BRIP1: variants seen among roughly 807,000 people sequenced by gnomAD.
BRIP1 encodes the protein BRCA1 interacting DNA helicase 1.
In BRIP1, 88 loss-of-function variants were observed where a neutral mutation model predicts 119.7. That is an observed-to-expected ratio of 0.74 (90% CI 0.62 to 0.88). BRIP1 has a LOEUF of 0.88. Ranked by LOEUF, BRIP1 falls within the 40% of genes least tolerant of loss-of-function variation. The pLI is 0.00. For synonymous variants in BRIP1, 443 were observed against 496.5 expected (o/e 0.89, Z 1.43); for missense variants, 1,259 against 1,455.4 (o/e 0.87, Z 2.20).
chr17:61,698,706 T>A (rs1193490466), intron 17 of BRIP1, among the ~76,000 whole-genome samples: 2 of 151,960 alleles, frequency 1.3e-5, no homozygotes, highest in African/African-American at 2.4e-5. Flanking sequence ...GTTATTTTTT[T>A]TTATTTTTTA....
rs569436326 is a variant in BRIP1 at position 61,729,503 on chromosome 17, T to G, written c.2380-13440A>C. ...TTAATAGTTCATGTCTAAAACTGATTAAATAAAGATAAAATATGGAGGTAA... is the reference window on the plus strand; with the variant it reads ...TTAATAGTTCATGTCTAAAACTGATGAAATAAAGATAAAATATGGAGGTAA... On this transcript the variant is annotated intron_variant, in intron 16 of 19. Coordinates refer to ENST00000259008, the MANE Select transcript of BRIP1 (RefSeq NM_032043.3). This position sits in a 1 kb window ranked among gnomAD's most constrained non-coding sequence, Gnocchi z 5.6. 2.6e-5 allele frequency among the ~76,000 whole-genome samples: 4 copies of G among 151,742 alleles called. No homozygotes were observed. The highest frequency in any genetic ancestry group is 2.6e-4 in the Admixed American group (4 of 15,250).
Position 61,736,541 on chromosome 17 carries a change from T to TACTACC in BRIP1, c.2379+6466_2379+6471dup, listed in dbSNP as rs2144619584. ...CCTCCTTATGAGTCATATCACTGTT[T>TACTACC]ACTACCATCCTGTTCATTATTATCT... On this transcript the variant is annotated intron_variant, in intron 16 of 19. Coordinates refer to ENST00000259008, the MANE Select transcript of BRIP1 (RefSeq NM_032043.3). This position sits in a 1 kb window ranked among gnomAD's most constrained non-coding sequence, Gnocchi z 4.4. Among the ~76,000 whole-genome samples the TACTACC allele has an allele frequency of 6.6e-6, 1 of 152,300 alleles. No individual in the cohort carries two copies. The highest frequency in any genetic ancestry group is 2.1e-4 in the South Asian group (1 of 4,828).
chr17:61,680,976 G>A lies in BRIP1; in HGVS notation c.*2320C>T, dbSNP rs1332516271. Among the ~76,000 whole-genome samples the A allele has an allele frequency of 6.6e-6, 1 of 152,152 alleles. No homozygotes were observed. The highest frequency in any genetic ancestry group is 2.4e-5 in the African/African-American group (1 of 41,422). On this transcript the variant is annotated 3_prime_UTR_variant, in exon 20 of 20. Transcript: ENST00000259008. ...CTCACAGTTCTGCATGACTGAGGAG[G>A]CCTCAAGAAACTTACAATCATGGCG...
At position 61,725,194 on chromosome 17, in the gene BRIP1, G is replaced by A. The variant is rs2076750099; in HGVS notation, c.2380-9131C>T. Among the ~76,000 whole-genome samples, 2 of 151,986 alleles carry A rather than the reference G, an allele frequency of 1.3e-5. No homozygotes were observed. The highest frequency in any genetic ancestry group is 4.2e-4 in the South Asian group (2 of 4,818). ...GAAAATGAGTTAGTTTCTGCCAAGAGTTAAGAAGCCAGGCTCCCTTTTAAA... is the reference window on the plus strand; with the variant it reads ...GAAAATGAGTTAGTTTCTGCCAAGAATTAAGAAGCCAGGCTCCCTTTTAAA... On this transcript the variant is annotated intron_variant, in intron 16 of 19. Coordinates refer to ENST00000259008, the MANE Select transcript of BRIP1 (RefSeq NM_032043.3). This position sits in a 1 kb window ranked among gnomAD's most constrained non-coding sequence, Gnocchi z 5.3.
chr17:61,766,743 T>G (rs1284845346), intron 14 of BRIP1, among the ~76,000 whole-genome samples: 5 of 152,174 alleles, frequency 3.3e-5, no homozygotes, highest in South Asian at 2.1e-4. Context: ...GGAAAATGGT[T>G]TATACATATT....
chr17:61,829,264 A>G (rs1460474163), intron 6 of BRIP1, among the ~76,000 whole-genome samples: 1 of 152,140 alleles, frequency 6.6e-6, no homozygotes, highest in Admixed American at 6.5e-5. Context: ...CTATGGAAAC[A>G]TTAATCCTAA....
Position 61,843,335 on chromosome 17 carries a change from A to C in BRIP1, c.627+3766T>G, listed in dbSNP as rs1007274479. ...TTAATAATACTATATTCTAGGCTGG[A>C]TATTTCGATATTGGCTTTAAAATTT... On this transcript the variant is annotated intron_variant, in intron 6 of 19. Coordinates refer to ENST00000259008, the MANE Select transcript of BRIP1 (RefSeq NM_032043.3). The surrounding 1 kb of genome is among the most constrained non-coding windows in gnomAD (Gnocchi z 5.7). Among the ~76,000 whole-genome samples the C allele has an allele frequency of 1.3e-5, 2 of 152,172 alleles. No homozygotes were observed. Among genetic ancestry groups the C allele is most frequent in the Non-Finnish European group, 2.9e-5 (2 of 68,038 alleles).
chr17:61,755,867 G>A lies in BRIP1; in HGVS notation c.2098-11276C>T, dbSNP rs948980173. Among the ~76,000 whole-genome samples the A allele has an allele frequency of 6.6e-6, 1 of 152,208 alleles. No individual in the cohort carries two copies. The highest frequency in any genetic ancestry group is 1.5e-5 in the Non-Finnish European group (1 of 68,034). On this transcript the variant is annotated intron_variant, in intron 14 of 19. Coordinates refer to ENST00000259008, the MANE Select transcript of BRIP1 (RefSeq NM_032043.3). This position sits in a 1 kb window ranked among gnomAD's most constrained non-coding sequence, Gnocchi z 4.5. Reference sequence around the variant, plus strand: ...ATGGTCACAATTTGGAAGGTCTGACGAAGTGGTATGTCCTCTGGGTCTATC... The same window carrying A: ...ATGGTCACAATTTGGAAGGTCTGACAAAGTGGTATGTCCTCTGGGTCTATC...
chr17:61,822,733 G>A lies in BRIP1; in HGVS notation c.628-13976C>T, dbSNP rs902080843. 6.6e-6 allele frequency among the ~76,000 whole-genome samples: 1 copy of A among 152,050 alleles called. No individual in the cohort carries two copies. Among genetic ancestry groups the A allele is most frequent in the East Asian group, 1.9e-4 (1 of 5,196 alleles). On this transcript the variant is annotated intron_variant, in intron 6 of 19. Transcript: ENST00000259008. This position sits in a 1 kb window ranked among gnomAD's most constrained non-coding sequence, Gnocchi z 4.4. Reference sequence around the variant, plus strand: ...GACAAACATCCAGTGATGTGTAAATGTGTAGTGGGATGTGAATGGGGAAAA... The same window carrying A: ...GACAAACATCCAGTGATGTGTAAATATGTAGTGGGATGTGAATGGGGAAAA...
At chr17:61,777,789 T>TA (rs1190316749) in intron 13 of BRIP1, among the ~76,000 whole-genome samples, 1 of 152,176 alleles carries the variant, frequency 6.6e-6, no homozygotes, top group Non-Finnish European at 1.5e-5. Flanking sequence ...TCTAGGTTTT[T>TA]ATGGAGGCTT....
At chr17:61,688,187 AAG>A (rs1163305931) in intron 18 of BRIP1, among the ~76,000 whole-genome samples, 2 of 152,174 alleles carry the variant, frequency 1.3e-5, no homozygotes, top group Non-Finnish European at 2.9e-5. Context: ...CTAAGAACAA[AAG>A]AGAGTCAGGC....
rs1331650706 is a variant in BRIP1 at position 61,808,372 on chromosome 17, T to C, written c.918+95A>G. On this transcript the variant is annotated intron_variant, in intron 7 of 19. Coordinates refer to ENST00000259008, the MANE Select transcript of BRIP1 (RefSeq NM_032043.3). The surrounding 1 kb of genome is among the most constrained non-coding windows in gnomAD (Gnocchi z 4.1). ...TAGCAGTTAATTTGATTTTCCGAAG[T>C]TGATTATCACTAAAATGTACATATA... 8.4e-6 allele frequency: 11 copies of C among 1,313,928 alleles called. No individual in the cohort carries two copies. The highest frequency in any genetic ancestry group is 7.1e-5 in the East Asian group (3 of 42,368). 81.4% of individuals were successfully genotyped at this position (1,313,928 alleles called of 1,614,324 possible).
In BRIP1 at chr17:61,843,610, A is replaced by G. The variant is rs141022725; in HGVS notation, c.627+3491T>C. 5.2e-3 allele frequency among the ~76,000 whole-genome samples: 794 copies of G among 151,726 alleles called. 5 individuals are homozygous for G. The highest frequency in any genetic ancestry group is 0.018 in the African/African-American group (750 of 41,366). On this transcript the variant is annotated intron_variant, in intron 6 of 19. Transcript: ENST00000259008. The surrounding 1 kb of genome is among the most constrained non-coding windows in gnomAD (Gnocchi z 5.7). The stretch of plus-strand genomic sequence containing the variant: ...ATCTGGTTATTTAAAACAGTGTGGA[A>G]CCTCCTCTGCTCTCTCCTCTGTCCT...
intron 16 of BRIP1, among the ~76,000 whole-genome samples, chr17:61,727,394 C>T (rs2076779901): frequency 6.6e-6 from 1 of 152,168 alleles, no homozygotes; most frequent in South Asian, 2.1e-4. Context: ...TGAAAATACA[C>T]TTAAAACTTT....
In BRIP1 at chr17:61,770,238, G is replaced by A. The variant is rs2077428610; in HGVS notation, c.2097+6163C>T. On this transcript the variant is annotated intron_variant, in intron 14 of 19. Transcript: ENST00000259008. This position sits in a 1 kb window ranked among gnomAD's most constrained non-coding sequence, Gnocchi z 4.7. The stretch of plus-strand genomic sequence containing the variant: ...GCTAAAAGACTGAGACATAATCATA[G>A]GATTAGAAGATGCTTCCTGTTCCCC... Among the ~76,000 whole-genome samples the A allele has an allele frequency of 6.6e-6, 1 of 152,158 alleles. No homozygotes were observed. Among genetic ancestry groups the A allele is most frequent in the South Asian group, 2.1e-4 (1 of 4,830 alleles).
rs977882084 is a variant in BRIP1, at chr17:61,740,410, C to T, written c.2379+2603G>A. Among the ~76,000 whole-genome samples, 5 of 152,070 alleles carry T rather than the reference C, an allele frequency of 3.3e-5. No homozygotes were observed. Among genetic ancestry groups the T allele is most frequent in the Non-Finnish European group, 7.4e-5 (5 of 68,014 alleles). ...ATTTCTATTAAGTTCCCAGGTGATA[C>T]GAATGCACCTGGCCCAGGACCAGAC... On this transcript the variant is annotated intron_variant, in intron 16 of 19. Transcript: ENST00000259008. This position sits in a 1 kb window ranked among gnomAD's most constrained non-coding sequence, Gnocchi z 5.4.
At chr17:61,788,026 T>C (rs998468454) in intron 10 of BRIP1, among the ~76,000 whole-genome samples, 1 of 151,680 alleles carries the variant, frequency 6.6e-6, no homozygotes, top group Non-Finnish European at 1.5e-5. Flanking sequence ...CATGAAGAAA[T>C]AGAAAGAAAT....
In BRIP1 at chr17:61,681,689, G is replaced by A. The variant is rs947469128; in HGVS notation, c.*1607C>T. The stretch of plus-strand genomic sequence containing the variant: ...AGAAAAAATATATAATACTAGATGG[G>A]ATCTAATATATTCTAAATTCTTTAA... On this transcript the variant is annotated 3_prime_UTR_variant, in exon 20 of 20. Coordinates refer to ENST00000259008, the MANE Select transcript of BRIP1 (RefSeq NM_032043.3). This position sits in a 1 kb window ranked among gnomAD's most constrained non-coding sequence, Gnocchi z 5.1. The A allele has an allele frequency of 5.1e-6, 1 of 197,876 alleles. No homozygotes were observed. Among genetic ancestry groups the A allele is most frequent in the African/African-American group, 2.3e-5 (1 of 43,308 alleles). 12.3% of individuals were successfully genotyped at this position (197,876 alleles called of 1,614,324 possible).
rs1377922490 is a variant in BRIP1, at chr17:61,725,148, T to C, written c.2380-9085A>G. On this transcript the variant is annotated intron_variant, in intron 16 of 19. Coordinates refer to ENST00000259008, the MANE Select transcript of BRIP1 (RefSeq NM_032043.3). The surrounding 1 kb of genome is among the most constrained non-coding windows in gnomAD (Gnocchi z 5.3). ...GTGTGTGTGTGTGTGTGTGTGTGTA[T>C]ATACACTTTTTTTAAATGGGGAAAA... Among the ~76,000 whole-genome samples the C allele has an allele frequency of 6.6e-6, 1 of 151,986 alleles. No individual in the cohort carries two copies. The highest frequency in any genetic ancestry group is 1.5e-5 in the Non-Finnish European group (1 of 67,966).
Sources: allele counts gnomAD v4.1 joint callset (sites outside exome capture counted in the v4.1 genomes callset), GRCh38; gene constraint gnomAD v4.1.1; non-coding constraint Gnocchi (gnomAD v3.1); transcripts MANE v1.5; gene names NCBI Gene and HGNC (gene_info 2026-07-23, HGNC 2026-07-21).